The following CRACD variants were observed in gnomAD, a reference collection of about 807,000 sequenced individuals.
The protein encoded by CRACD is capping protein-inhibiting regulator of actin dynamics.
A neutral mutation model predicts 106.8 loss-of-function variants in CRACD; 56 were observed. That is an observed-to-expected ratio of 0.52 (90% CI 0.42 to 0.66). The LOEUF is 0.66. Ranked by LOEUF, CRACD falls within the 30% of genes least tolerant of loss-of-function variation. The pLI is 0.00. For missense variants in CRACD, 1,730 were observed against 1,623.2 expected, an observed-to-expected ratio of 1.07 and a Z score of -1.13; for synonymous variants, 754 against 670.8, an observed-to-expected ratio of 1.12 and a Z score of -1.92.
At chr4:56,256,670 A>G (rs961955667) in intron 2 of CRACD, among the ~76,000 whole-genome samples, 3 of 152,222 alleles carry the variant, frequency 2.0e-5, no homozygotes, top group African/African-American at 7.2e-5. Flanking sequence ...TGGCTTGAGC[A>G]GGCCCCGAGG....
chr4:56,057,850 G>T (rs1402507454), intron 1 of CRACD, among the ~76,000 whole-genome samples: 1 of 52,124 alleles, frequency 1.9e-5, no homozygotes, highest in Non-Finnish European at 3.2e-5. Flanking sequence ...ACGGAGTCTC[G>T]CTCTGTCGCC....
At position 56,064,643 on chromosome 4, in the gene CRACD, T is replaced by C. The variant is rs1456416868; in HGVS notation, c.-336+15344T>C. Among the ~76,000 whole-genome samples, 4 of 152,226 alleles carry C rather than the reference T, an allele frequency of 2.6e-5. No homozygotes were observed. The East Asian group carries it at 7.7e-4, about 29-fold the overall frequency. ...TTCTCTTCACTGTTTCTTTCCCTTT[T>C]CATTATGAATATCCTTAGGCTTCAC... On this transcript the variant is annotated intron_variant, in intron 1 of 10. Transcript: ENST00000682029.
At chr4:56,136,856 AT>A (rs1388968135) in intron 1 of CRACD, among the ~76,000 whole-genome samples, 1 of 152,082 alleles carries the variant, frequency 6.6e-6, no homozygotes, top group Admixed American at 6.6e-5. Flanking sequence ...TTTCTTCTAC[AT>A]TTTTTCTAGA....
At chr4:56,240,531 G>C (rs1280546299) in intron 2 of CRACD, among the ~76,000 whole-genome samples, 2 of 151,990 alleles carry the variant, frequency 1.3e-5, no homozygotes, top group African/African-American at 4.8e-5. Flanking sequence ...TAAATTCAAG[G>C]CCTCACTTTG....
intron 1 of CRACD, among the ~76,000 whole-genome samples, chr4:56,098,883 C>G (rs893448597): frequency 2.0e-5 from 3 of 152,128 alleles, no homozygotes; most frequent in Admixed American, 2.0e-4. Context: ...CCATATTGGC[C>G]AGGCTGGTCT....
At chr4:56,164,619 A>G (rs577040399) in intron 1 of CRACD, among the ~76,000 whole-genome samples, 1 of 152,232 alleles carries the variant, frequency 6.6e-6, no homozygotes, top group Admixed American at 6.5e-5. Flanking sequence ...AACTATAGGG[A>G]CAGAAATCAG....
At chr4:56,170,567 G>A (rs572875438) in intron 1 of CRACD, among the ~76,000 whole-genome samples, 3 of 152,266 alleles carry the variant, frequency 2.0e-5, no homozygotes, top group Non-Finnish European at 2.9e-5. Context: ...TAGACTGGGC[G>A]CAGTGGTTTG....
chr4:56,222,849 G>A (rs548290414), intron 2 of CRACD, among the ~76,000 whole-genome samples: 54 of 152,040 alleles, frequency 3.6e-4, no homozygotes, highest in Middle Eastern at 3.4e-3. Flanking sequence ...GGTGGTGTGC[G>A]CCTGTAATCC....
intron 1 of CRACD, among the ~76,000 whole-genome samples, chr4:56,069,475 A>G (rs1476172561): frequency 1.3e-5 from 2 of 152,130 alleles, no homozygotes; most frequent in Admixed American, 1.3e-4. Flanking sequence ...GTCTGCAGAG[A>G]TTGGGCCAGT....
intron 1 of CRACD, among the ~76,000 whole-genome samples, chr4:56,115,879 G>A (rs1241824148): frequency 6.6e-6 from 1 of 152,190 alleles, no homozygotes; most frequent in African/African-American, 2.4e-5. Context: ...AGTCTGGTCA[G>A]CATTATCTGG....
intron 1 of CRACD, among the ~76,000 whole-genome samples, chr4:56,095,637 G>A (rs1470337755): frequency 6.6e-6 from 1 of 152,182 alleles, no homozygotes; most frequent in Non-Finnish European, 1.5e-5. Context: ...GGCAGAGTAA[G>A]TTGGGGGAGG....
chr4:56,136,311 T>C (rs1463210578), intron 1 of CRACD, among the ~76,000 whole-genome samples: 1 of 152,194 alleles, frequency 6.6e-6, no homozygotes, highest in African/African-American at 2.4e-5. Context: ...GGTAGGTGTA[T>C]GTTTAAGGTT....
chr4:56,305,908 G>A (rs571378079), intron 4 of CRACD, among the ~76,000 whole-genome samples: 1 of 152,296 alleles, frequency 6.6e-6, no homozygotes, highest in South Asian at 2.1e-4. Context: ...CTTGCGCCAG[G>A]GAACATCATT....
intron 6 of CRACD, among the ~76,000 whole-genome samples, chr4:56,312,542 C>G (rs1300804950): frequency 1.3e-5 from 2 of 152,110 alleles, no homozygotes; most frequent in Non-Finnish European, 2.9e-5. Context: ...ATTCCTTCAA[C>G]AGATATTTAT....
intron 1 of CRACD, among the ~76,000 whole-genome samples, chr4:56,075,369 G>A (rs757435773): frequency 2.2e-4 from 33 of 152,106 alleles, no homozygotes; most frequent in Non-Finnish European, 3.8e-4. Flanking sequence ...TTCAAAACTT[G>A]TTATTGGTCT....
At chr4:56,312,583 G>A (rs1486085292) in intron 6 of CRACD, among the ~76,000 whole-genome samples, 1 of 152,148 alleles carries the variant, frequency 6.6e-6, no homozygotes, top group African/African-American at 2.4e-5. Context: ...TTTGCTACGT[G>A]GGTGTAAAGG....
intron 2 of CRACD, among the ~76,000 whole-genome samples, chr4:56,223,619 C>T (rs1382230111): frequency 6.6e-6 from 1 of 152,186 alleles, no homozygotes; most frequent in African/African-American, 2.4e-5. Flanking sequence ...TGGTCTTTCT[C>T]CACTGACTTA....
intron 1 of CRACD, among the ~76,000 whole-genome samples, chr4:56,090,275 G>A (rs1733382349): frequency 6.6e-6 from 1 of 152,102 alleles, no homozygotes; most frequent in Admixed American, 6.6e-5. Flanking sequence ...GGAAAGGACT[G>A]CACTGGGGTC....
At chr4:56,069,934 C>T (rs1474274972) in intron 1 of CRACD, among the ~76,000 whole-genome samples, 4 of 152,316 alleles carry the variant, frequency 2.6e-5, no homozygotes, top group East Asian at 3.9e-4. Context: ...TAACCTACAG[C>T]TCTGCATATA....
Sources: gnomAD v4.1 joint callset for allele counts (sites outside exome capture counted in the v4.1 genomes callset) on GRCh38, gnomAD v4.1.1 for gene constraint, MANE v1.5 for transcripts, NCBI Gene and HGNC (gene_info 2026-07-23, HGNC 2026-07-21) for gene names.